The following KIAA1217 variants were observed in gnomAD, a reference collection of about 807,000 sequenced individuals.
The protein encoded by KIAA1217 is sickle tail protein homolog.
Under a neutral mutation model 163.9 loss-of-function variants are expected in KIAA1217, and 88 were observed. That is an observed-to-expected ratio of 0.54 (90% CI 0.45 to 0.64). The LOEUF (loss-of-function observed/expected upper bound fraction) is 0.64. Ranked by LOEUF, KIAA1217 falls within the 30% of genes least tolerant of loss-of-function variation. The probability of loss-of-function intolerance (pLI) is 0.00; values close to 1 mark genes in which losing one functional copy is unlikely to be tolerated. For synonymous variants in KIAA1217, 903 were observed against 923.1 expected (o/e 0.98, Z 0.39); for missense variants, 2,372 against 2,475.0 (o/e 0.96, Z 0.88).
At chr10:23,932,742 C>T (rs1843308982) in intron 1 of KIAA1217, among the ~76,000 whole-genome samples, 1 of 152,008 alleles carries the variant, frequency 6.6e-6, no homozygotes, top group Admixed American at 6.6e-5. Flanking sequence ...TCAAAGTAGC[C>T]AAATAGATTA....
intron 3 of KIAA1217, among the ~76,000 whole-genome samples, chr10:24,404,977 G>A (rs2057047315): frequency 6.6e-6 from 1 of 152,226 alleles, no homozygotes; most frequent in African/African-American, 2.4e-5. Flanking sequence ...GACTGGGGAT[G>A]TAGGTGGGAG....
At chr10:24,073,668 G>T (rs898404187) in intron 2 of KIAA1217, among the ~76,000 whole-genome samples, 4 of 152,198 alleles carry the variant, frequency 2.6e-5, no homozygotes, top group Non-Finnish European at 4.4e-5. Flanking sequence ...GGATGGAATG[G>T]AGAGATGAAG....
At chr10:24,162,680 A>T (rs752332595) in intron 2 of KIAA1217, among the ~76,000 whole-genome samples, 7 of 152,202 alleles carry the variant, frequency 4.6e-5, no homozygotes, top group Non-Finnish European at 8.8e-5. Context: ...ATTATCTCAC[A>T]GTTTCTGGAT....
intron 2 of KIAA1217, among the ~76,000 whole-genome samples, chr10:24,009,402 A>G (rs569079653): frequency 2.0e-5 from 3 of 152,272 alleles, no homozygotes; most frequent in African/African-American, 7.2e-5. Flanking sequence ...TAAAGCCCAA[A>G]CTAGATAATG....
At chr10:24,365,358 G>A (rs2050631862) in intron 2 of KIAA1217, among the ~76,000 whole-genome samples, 2 of 151,342 alleles carry the variant, frequency 1.3e-5, no homozygotes, top group Admixed American at 6.6e-5. Context: ...CCCGCAGCCG[G>A]TGTTACTTAT....
chr10:24,484,241 A>ATATATATTTTTTTTTTTTT (rs1376083298), intron 6 of KIAA1217, among the ~76,000 whole-genome samples: 2 of 75,146 alleles, frequency 2.7e-5, no homozygotes, highest in Non-Finnish European at 5.0e-5. Flanking sequence ...ATATATATAT[A>ATATATATTTTTTTTTTTTT]TTTTTTTTTT....
At chr10:23,826,253 A>G (rs1435048941) in intron 1 of KIAA1217, among the ~76,000 whole-genome samples, 3 of 152,228 alleles carry the variant, frequency 2.0e-5, no homozygotes, top group Non-Finnish European at 2.9e-5. Flanking sequence ...ATGCTTTTTA[A>G]AAAGATTAGA....
chr10:23,753,788 A>G (rs532534932), intron 1 of KIAA1217, among the ~76,000 whole-genome samples: 3 of 152,342 alleles, frequency 2.0e-5, no homozygotes, highest in South Asian at 4.1e-4. Context: ...AGAACTTTTG[A>G]AGAACCATCA....
At chr10:24,069,056 G>C (rs957069680) in intron 2 of KIAA1217, among the ~76,000 whole-genome samples, 2 of 152,176 alleles carry the variant, frequency 1.3e-5, no homozygotes, top group Non-Finnish European at 1.5e-5. Context: ...TCCCTCCACA[G>C]GGAAAAACTA....
At chr10:24,254,899 G>A (rs1405163106) in intron 2 of KIAA1217, among the ~76,000 whole-genome samples, 1 of 151,694 alleles carries the variant, frequency 6.6e-6, no homozygotes, top group Non-Finnish European at 1.5e-5. Flanking sequence ...TGTCACCCAG[G>A]CTGGAGTGCA....
intron 1 of KIAA1217, among the ~76,000 whole-genome samples, chr10:23,957,565 T>C (rs1277713222): frequency 1.3e-5 from 2 of 152,034 alleles, no homozygotes; most frequent in African/African-American, 4.8e-5. Context: ...CTACTAAAAA[T>C]ACAAAAATTA....
At chr10:24,468,603 G>A (rs772459059) in intron 5 of KIAA1217, among the ~76,000 whole-genome samples, 18 of 152,118 alleles carry the variant, frequency 1.2e-4, no homozygotes, top group Non-Finnish European at 2.4e-4. Context: ...TGACCCTTTT[G>A]GATGATGGCA....
intron 2 of KIAA1217, among the ~76,000 whole-genome samples, chr10:24,321,570 C>A (rs562585079): frequency 6.6e-6 from 1 of 152,068 alleles, no homozygotes; most frequent in East Asian, 1.9e-4. Context: ...TGGACACAAC[C>A]CAGGAAGAAT....
chr10:24,546,068 A>G lies in KIAA1217; in HGVS notation c.5576A>G (p.Asn1859Ser), dbSNP rs141946586. 1.3e-4 allele frequency: 211 copies of G among 1,614,020 alleles called. No individual in the cohort carries two copies. Among genetic ancestry groups the G allele is most frequent in the Non-Finnish European group, 1.7e-4 (205 of 1,180,032 alleles). Residue 1859 changes from asparagine (N) to serine (S), a missense_variant, in exon 21 of 21, where the codon AAT (asparagine) becomes AGT (serine). This residue lies in a region of KIAA1217 where 690 missense variants were observed against 677.5 expected (regional missense o/e 1.02). Coordinates refer to ENST00000376454, the MANE Select transcript of KIAA1217 (RefSeq NM_019590.5). The stretch of plus-strand genomic sequence containing the variant: ...GCCTCCCTCATCCCTTCTGTCTCTA[A>G]TGGCTCTTTGAAGTTTCAGAGCCTC... ...HSASLIPSVS[N>S]GSLKFQSLTH...
At chr10:23,851,952 A>AT in intron 1 of KIAA1217, among the ~76,000 whole-genome samples, 1 of 150,304 alleles carries the variant, frequency 6.7e-6, no homozygotes, top group African/African-American at 2.4e-5. Context: ...ATTTTCTCCC[A>AT]TTTTGTGGGT....
intron 2 of KIAA1217, among the ~76,000 whole-genome samples, chr10:24,245,210 AACGTGGTAATGGTGTTT>A (rs1387697734): frequency 1.3e-5 from 2 of 152,178 alleles, no homozygotes; most frequent in Admixed American, 1.3e-4. Flanking sequence ...TTAAGCAACA[AACGTGGTAATGGTGTTT>A]CCTACTCTGA....
chr10:24,128,984 A>C (rs2063559515), intron 2 of KIAA1217, among the ~76,000 whole-genome samples: 1 of 152,248 alleles, frequency 6.6e-6, no homozygotes, highest in Non-Finnish European at 1.5e-5. Flanking sequence ...GCTAAAGTTT[A>C]GTCGGAGTGC....
intron 2 of KIAA1217, among the ~76,000 whole-genome samples, chr10:24,335,771 A>G (rs2046284996): frequency 6.6e-6 from 1 of 151,900 alleles, no homozygotes; most frequent in African/African-American, 2.4e-5. Flanking sequence ...CACCACACCC[A>G]GCCACTGTAA....
At chr10:23,929,321 AT>A (rs199644438) in intron 1 of KIAA1217, among the ~76,000 whole-genome samples, 2 of 151,496 alleles carry the variant, frequency 1.3e-5, no homozygotes, top group African/African-American at 2.4e-5. Context: ...TTTATTTTTT[AT>A]TTTTTTTTAT....
Sources: gnomAD v4.1 joint callset for allele counts (sites outside exome capture counted in the v4.1 genomes callset) on GRCh38, gnomAD v4.1.1 for gene constraint, gnomAD v4.1.1 regional missense constraint, MANE v1.5 for transcripts, NCBI Gene and HGNC (gene_info 2026-07-23, HGNC 2026-07-21) for gene names.